The following ABCC4 variants were observed in gnomAD, a reference collection of about 807,000 sequenced individuals.
The protein encoded by ABCC4 is ATP-binding cassette sub-family C member 4.
In ABCC4, 102 loss-of-function variants were observed where a neutral mutation model predicts 168.5. The observed-to-expected ratio is 0.61, with a 90% CI of 0.52 to 0.71. The LOEUF (loss-of-function observed/expected upper bound fraction) is 0.71, where lower values mean the gene tolerates loss of function less well. ABCC4 is among the 30% of genes least tolerant of loss of function. The probability of loss-of-function intolerance (pLI) is 0.00; values close to 1 mark genes in which losing one functional copy is unlikely to be tolerated. For synonymous variants in ABCC4, 617 were observed against 590.7 expected, an observed-to-expected ratio of 1.04 and a Z score of -0.65; for missense variants, 1,402 against 1,605.8, an observed-to-expected ratio of 0.87 and a Z score of 2.17.
chr13:95,258,446 A>G (rs986518605), intron 1 of ABCC4, among the ~76,000 whole-genome samples: 12 of 152,144 alleles, frequency 7.9e-5, no homozygotes, highest in African/African-American at 1.9e-4. Context: ...CAATCCCCAG[A>G]AAGTCCTACC....
intron 30 of ABCC4, among the ~76,000 whole-genome samples, chr13:95,033,011 C>T (rs1307880064): frequency 4.9e-5 from 7 of 143,126 alleles, no homozygotes; most frequent in African/African-American, 1.8e-4. Context: ...GCTCTGTCGC[C>T]CAGGCTGGAG....
rs377213886 is a variant in ABCC4 at position 95,261,449 on chromosome 13, C to CA, written c.75-13697dup. Among the ~76,000 whole-genome samples, 458 of 151,436 alleles carry CA rather than the reference C, an allele frequency of 3.0e-3. 1 individual carries two copies. The highest frequency in any genetic ancestry group is 0.011 in the African/African-American group (437 of 41,338). On this transcript the variant is annotated intron_variant, in intron 1 of 30. Coordinates refer to ENST00000645237, the MANE Select transcript of ABCC4 (RefSeq NM_005845.5). Reference sequence around the variant, plus strand: ...TGGGCGACAGAGCAAGACTCCCTATCAAAAAAAAGAAATTACCTAGAACTA... The same window carrying CA: ...TGGGCGACAGAGCAAGACTCCCTATCAAAAAAAAAGAAATTACCTAGAACTA...
intron 3 of ABCC4, among the ~76,000 whole-genome samples, chr13:95,235,957 C>T (rs1032179926): frequency 3.3e-5 from 5 of 152,120 alleles, no homozygotes; most frequent in African/African-American, 1.2e-4. Context: ...CATCTTTTCC[C>T]CAAGGCAAAA....
At chr13:95,111,985 T>A (rs1445027448) in intron 20 of ABCC4, among the ~76,000 whole-genome samples, 1 of 152,130 alleles carries the variant, frequency 6.6e-6, no homozygotes, top group African/African-American at 2.4e-5. Context: ...AGTTCCAGAC[T>A]CCTACTTACA....
chr13:95,142,252 A>G (rs1423095653), intron 19 of ABCC4, among the ~76,000 whole-genome samples: 1 of 152,254 alleles, frequency 6.6e-6, no homozygotes, highest in Non-Finnish European at 1.5e-5. Flanking sequence ...CTCAGCCATA[A>G]AAAAGAATGA....
chr13:95,279,082 G>T lies in ABCC4; in HGVS notation c.74+22159C>A, dbSNP rs1474232456. On this transcript the variant is annotated intron_variant, in intron 1 of 30. Coordinates refer to ENST00000645237, the MANE Select transcript of ABCC4 (RefSeq NM_005845.5). ...CTACAATTTAACCAAATGCTAAAAT[G>T]CACCAGGAAACACAGGATACTACAG... 4.6e-5 allele frequency among the ~76,000 whole-genome samples: 7 copies of T among 152,068 alleles called. No individual in the cohort carries two copies. In the East Asian group the frequency reaches 1.3e-3, roughly 29 times the overall value.
At chr13:95,278,666 G>C (rs918276291) in intron 1 of ABCC4, among the ~76,000 whole-genome samples, 11 of 151,976 alleles carry the variant, frequency 7.2e-5, no homozygotes, top group African/African-American at 2.4e-4. Context: ...GCATGGTGGT[G>C]CATGCCTATA....
intron 1 of ABCC4, among the ~76,000 whole-genome samples, chr13:95,261,833 C>T (rs1055434601): frequency 6.6e-6 from 1 of 151,974 alleles, no homozygotes; most frequent in African/African-American, 2.4e-5. Flanking sequence ...CATGGTGGCT[C>T]ATGCCTATAA....
At position 95,188,479 on chromosome 13, in the gene ABCC4, C is replaced by T; in HGVS notation, c.1327G>A (p.Val443Met). 1.9e-6 allele frequency: 3 copies of T among 1,614,180 alleles called. No homozygotes were observed. Among genetic ancestry groups the T allele is most frequent in the Non-Finnish European group, 2.5e-6 (3 of 1,180,032 alleles). The change falls in exon 10 of 31, where the codon GTG (valine) becomes ATG (methionine). Residue 443 changes from valine (V) to methionine (M), a missense_variant. Transcript: ENST00000645237. ...TTCCCTGCTCCCACGGGGCCGACCA[C>T]AGCTAACAATTCGCCAGGTCTGACA... ...FTVRPGELLA[V>M]VGPVGAGKSS...
chr13:95,076,791 C>T (rs2033923310), intron 21 of ABCC4, among the ~76,000 whole-genome samples: 2 of 151,944 alleles, frequency 1.3e-5, no homozygotes, highest in Admixed American at 6.6e-5. Context: ...AACAGGATTT[C>T]ACTCTGTCAC....
chr13:95,058,470 G>A (rs1010124636), intron 26 of ABCC4, among the ~76,000 whole-genome samples: 2 of 147,778 alleles, frequency 1.4e-5, no homozygotes, highest in Non-Finnish European at 3.0e-5. Flanking sequence ...TCGGGAGGCA[G>A]AGGCAGGAGA....
intron 9 of ABCC4, among the ~76,000 whole-genome samples, chr13:95,189,378 C>T (rs12866685): frequency 6.6e-6 from 1 of 152,040 alleles, no homozygotes; most frequent in Non-Finnish European, 1.5e-5. Flanking sequence ...GCCTCGGCCT[C>T]CCAAAGTGCT....
In ABCC4 at chr13:95,229,966, C is replaced by T. The variant is rs572842592; in HGVS notation, c.531+4644G>A. ...GACTTGAAGATGGACACATCCCCTG[C>T]TTCTGTGTCCCAGATAGCTAAAAAG... On this transcript the variant is annotated intron_variant, in intron 4 of 30. Transcript: ENST00000645237. Among the ~76,000 whole-genome samples, 4 of 152,350 alleles carry T rather than the reference C, an allele frequency of 2.6e-5. No homozygotes were observed. In the South Asian group the frequency reaches 8.3e-4, roughly 32 times the overall value.
At chr13:95,058,583 A>AG (rs1450572446) in intron 26 of ABCC4, among the ~76,000 whole-genome samples, 10,298 of 83,296 alleles carry the variant, frequency 0.12, 311 homozygotes, top group Middle Eastern at 0.16. Context: ...AAAAAAAAAA[A>AG]AAAAAAAAAG....
intron 1 of ABCC4, among the ~76,000 whole-genome samples, chr13:95,256,781 CA>C (rs938021463): frequency 5.4e-5 from 8 of 149,294 alleles, no homozygotes; most frequent in South Asian, 2.1e-4. Flanking sequence ...AAAGAAAAAT[CA>C]AAAAAAAAAT....
At chr13:95,267,239 C>T (rs7324737) in intron 1 of ABCC4, among the ~76,000 whole-genome samples, 6,672 of 152,116 alleles carry the variant, frequency 0.044, 293 homozygotes, top group African/African-American at 0.1. Context: ...GAGAGGGCCT[C>T]GGTGGGAGGC....
chr13:95,101,441 G>A (rs2139374170), intron 20 of ABCC4, among the ~76,000 whole-genome samples: 1 of 151,934 alleles, frequency 6.6e-6, no homozygotes, highest in East Asian at 1.9e-4. Context: ...ATTTTGCTGA[G>A]TGCAGCTGTG....
At chr13:95,058,644 A>G (rs2033168179) in intron 26 of ABCC4, among the ~76,000 whole-genome samples, 1 of 151,716 alleles carries the variant, frequency 6.6e-6, no homozygotes, top group Non-Finnish European at 1.5e-5. Flanking sequence ...GTCTGATGAG[A>G]TATCATGCTG....
intron 11 of ABCC4, 99 bp from the exon 12 acceptor site, chr13:95,178,190 T>C: frequency 9.8e-7 from 1 of 1,022,744 alleles, no homozygotes; most frequent in Non-Finnish European, 1.5e-6. Flanking sequence ...CTTTGCACAT[T>C]AGTTCTTCAG....
Sources: allele counts gnomAD v4.1 joint callset (sites outside exome capture counted in the v4.1 genomes callset), GRCh38; gene constraint gnomAD v4.1.1; transcripts MANE v1.5; gene names NCBI Gene and HGNC (gene_info 2026-07-23, HGNC 2026-07-21).